The following PLXNA4 variants were observed in gnomAD, a reference collection of about 807,000 sequenced individuals.
PLXNA4 encodes the protein plexin-A4.
A neutral mutation model predicts 191.8 loss-of-function variants in PLXNA4; 44 were observed. The observed-to-expected ratio is 0.23, with a 90% CI of 0.18 to 0.29. PLXNA4 has a LOEUF of 0.29. Among genes scored for constraint, PLXNA4 ranks in the 10% least tolerant of loss-of-function variants. The pLI, the probability that PLXNA4 is intolerant of heterozygous loss-of-function variation, is 1.00. For synonymous variants in PLXNA4, 1,082 were observed against 1,009.5 expected, an observed-to-expected ratio of 1.07 and a Z score of -1.36; for missense variants, 1,800 against 2,488.8, an observed-to-expected ratio of 0.72 and a Z score of 5.89.
At chr7:132,145,915 CAAAAAAAAAA>C in intron 28 of PLXNA4, among the ~76,000 whole-genome samples, 1 of 92,374 alleles carries the variant, frequency 1.1e-5, no homozygotes, top group East Asian at 3.1e-4. Flanking sequence ...ACTAAAAATA[CAAAAAAAAAA>C]AAAAAAAAAA....
chr7:132,434,004 A>G (rs1294750127), intron 3 of PLXNA4, among the ~76,000 whole-genome samples: 2 of 152,242 alleles, frequency 1.3e-5, no homozygotes, highest in African/African-American at 2.4e-5. Context: ...AAGCATGTTC[A>G]GCACCTACTA....
chr7:132,255,342 T>C (rs1346737539), intron 4 of PLXNA4, among the ~76,000 whole-genome samples: 1 of 152,142 alleles, frequency 6.6e-6, no homozygotes, highest in African/African-American at 2.4e-5. Flanking sequence ...TTCTCAAGCC[T>C]CTGAAAGCTA....
At chr7:132,290,373 G>GCTGCTTC (rs1800840175) in intron 4 of PLXNA4, among the ~76,000 whole-genome samples, 2 of 152,216 alleles carry the variant, frequency 1.3e-5, no homozygotes, top group African/African-American at 4.8e-5. Context: ...CTGGGGGACA[G>GCTGCTTC]CTGCTTCTCC....
intron 31 of PLXNA4, among the ~76,000 whole-genome samples, chr7:132,132,440 CTGTTCTGT>C (rs1794971610): frequency 3.1e-5 from 2 of 64,746 alleles, no homozygotes; most frequent in South Asian, 7.9e-4. Flanking sequence ...CTGTTCTGTT[CTGTTCTGT>C]TCTGTTCTGT....
chr7:132,148,434 G>T, intron 26 of PLXNA4, 109 bp downstream of exon 26: 1 of 1,468,544 alleles, frequency 6.8e-7, no homozygotes. Context: ...AAGGGAACAT[G>T]GAGTGCTGGT....
In PLXNA4 at chr7:132,508,663, G is replaced by A; in HGVS notation, c.31C>T (p.Leu11Phe). Residue 11 changes from leucine (L) to phenylalanine (F), a missense_variant, in exon 2 of 32, where the codon CTT (leucine) becomes TTT (phenylalanine). Transcript: ENST00000321063. The surrounding 1 kb of genome is among the most constrained non-coding windows in gnomAD (Gnocchi z 4.4). ...CCCACCATGAGGAGGTGGGAGAGAA[G>A]GCAGGTCCAGTTCCAGGGCATGGCT... MKAMPWNWTC[L>F]LSHLLMVGMG... is the part of the protein sequence containing the mutation. The A allele has an allele frequency of 6.4e-7, 1 of 1,559,890 alleles. No individual in the cohort carries two copies. The highest frequency in any genetic ancestry group is 2.3e-5 in the East Asian group (1 of 42,988).
intron 5 of PLXNA4, among the ~76,000 whole-genome samples, chr7:132,236,778 G>C (rs1798716336): frequency 6.6e-6 from 1 of 152,116 alleles, no homozygotes; most frequent in African/African-American, 2.4e-5. Flanking sequence ...TCCCTTCCTA[G>C]AAAATGGATG....
At chr7:132,591,777 A>G (rs1178709670) in intron 2 of PLXNA4, among the ~76,000 whole-genome samples, 1 of 152,190 alleles carries the variant, frequency 6.6e-6, no homozygotes, top group Non-Finnish European at 1.5e-5. Flanking sequence ...TTTTAATGGC[A>G]AGGGTCGGCA....
At chr7:132,432,537 A>G (rs1471731606) in intron 3 of PLXNA4, among the ~76,000 whole-genome samples, 1 of 152,082 alleles carries the variant, frequency 6.6e-6, no homozygotes, top group African/African-American at 2.4e-5. Context: ...AAAGATTTTC[A>G]CATCTATTAT....
intron 31 of PLXNA4, among the ~76,000 whole-genome samples, chr7:132,132,488 C>CTCTGCTCTGCTCTATTCTATTCTAT (rs1794988145): frequency 1.2e-5 from 1 of 84,428 alleles, no homozygotes; most frequent in African/African-American, 4.3e-5. Context: ...CTCTGCTCTG[C>CTCTGCTCTGCTCTATTCTATTCTAT]TCTATTCTTT....
intron 3 of PLXNA4, among the ~76,000 whole-genome samples, chr7:132,337,502 T>C (rs1802865346): frequency 6.6e-6 from 1 of 152,258 alleles, no homozygotes; most frequent in Non-Finnish European, 1.5e-5. Context: ...TGTGCTTTAT[T>C]GTCTTTCGTA....
At chr7:132,304,769 C>T (rs970464866) in intron 3 of PLXNA4, among the ~76,000 whole-genome samples, 5 of 152,164 alleles carry the variant, frequency 3.3e-5, no homozygotes, top group South Asian at 2.1e-4. Flanking sequence ...ATTTTGCAAC[C>T]ACCCCCAACC....
chr7:132,198,644 G>A lies in PLXNA4; in HGVS notation c.2587-8C>T. 1.2e-6 allele frequency: 2 copies of A among 1,613,832 alleles called. No individual in the cohort carries two copies. The highest frequency in any genetic ancestry group is 1.3e-5 in the African/African-American group (1 of 75,052). ...GCCTGTCACCGGGATTATCTGGAGG[G>A]AGGAAGAGAAATAATTAGACAAACA... On this transcript the variant is annotated splice_region_variant and splice_polypyrimidine_tract_variant and intron_variant, in intron 12 of 31. Transcript: ENST00000321063.
chr7:132,359,742 A>T (rs1253633713), intron 3 of PLXNA4, among the ~76,000 whole-genome samples: 1 of 152,216 alleles, frequency 6.6e-6, no homozygotes, highest in Non-Finnish European at 1.5e-5. Context: ...GCATGTGTCT[A>T]CGTGTGTATG....
intron 1 of PLXNA4, among the ~76,000 whole-genome samples, chr7:132,528,546 G>A (rs1005644662): frequency 2.6e-5 from 4 of 152,218 alleles, no homozygotes; most frequent in African/African-American, 9.6e-5. Flanking sequence ...TTTAGGAACA[G>A]CCATGCCACC....
At chr7:132,246,103 A>G (rs1180589723) in intron 4 of PLXNA4, among the ~76,000 whole-genome samples, 1 of 152,242 alleles carries the variant, frequency 6.6e-6, no homozygotes, top group Non-Finnish European at 1.5e-5. Context: ...TTTTACCACA[A>G]TAAAAGAGTT....
chr7:132,503,200 GGTGTGCATCTCTCTCCTCCACT>G (rs1798326400), intron 2 of PLXNA4, among the ~76,000 whole-genome samples: 2 of 152,160 alleles, frequency 1.3e-5, no homozygotes, highest in African/African-American at 4.8e-5. Flanking sequence ...ATGACCTGCT[GGTGTGCATCTCTCTCCTCCACT>G]GTGTGGGCTC....
intron 4 of PLXNA4, among the ~76,000 whole-genome samples, chr7:132,272,853 C>G (rs946093455): frequency 6.6e-6 from 1 of 152,116 alleles, no homozygotes; most frequent in African/African-American, 2.4e-5. Context: ...TATTTGGCCT[C>G]CTTAAGAACG....
intron 1 of PLXNA4, among the ~76,000 whole-genome samples, chr7:132,549,495 C>T (rs1444103562): frequency 6.6e-6 from 1 of 152,148 alleles, no homozygotes; most frequent in East Asian, 1.9e-4. Flanking sequence ...AATCCTGGGT[C>T]CCAACCCTGG....
Sources: gnomAD v4.1 joint callset for allele counts (sites outside exome capture counted in the v4.1 genomes callset) on GRCh38, gnomAD v4.1.1 for gene constraint, Gnocchi (gnomAD v3.1) non-coding constraint, MANE v1.5 for transcripts, NCBI Gene and HGNC (gene_info 2026-07-23, HGNC 2026-07-21) for gene names.